MRPL35: variants seen among roughly 807,000 people sequenced by gnomAD.
MRPL35 encodes the protein mitochondrial ribosomal protein L35, also known as large ribosomal subunit protein bL35m.
MRPL35 carries 18 observed loss-of-function variants against 21.6 expected under a neutral mutation model. The observed-to-expected ratio is 0.83, with a 90% confidence interval of 0.58 to 1.24. The LOEUF is 1.24. Ranked by LOEUF, MRPL35 falls within the 50% of genes most tolerant of loss-of-function variation. The pLI is 0.00. For missense variants in MRPL35, 223 were observed against 223.2 expected (o/e 1.00, Z 0.01); for synonymous variants, 87 against 86.9 (o/e 1.00, Z -0.01).
Position 86,212,147 on chromosome 2 carries a change from A to G in MRPL35, c.*1479A>G. ...CAGATCCTTTAATGTGGTAGTTGGT[A>G]ATAATAAGATGAAATTCCTCTGTTG... On this transcript the variant is annotated 3_prime_UTR_variant, in exon 4 of 4. Coordinates refer to ENST00000337109, the MANE Select transcript of MRPL35 (RefSeq NM_016622.4). The G allele has an allele frequency of 7.9e-7, 1 of 1,269,638 alleles. No homozygotes were observed. Among genetic ancestry groups the G allele is most frequent in the South Asian group, 2.2e-5 (1 of 46,130 alleles). The allele number at this position is 1,269,638 out of a possible 1,614,324, so 78.6% of individuals were successfully genotyped here.
At chr2:86,202,208 C>T (rs1195461125) in intron 1 of MRPL35, among the ~76,000 whole-genome samples, 3 of 152,212 alleles carry the variant, frequency 2.0e-5, no homozygotes, top group African/African-American at 7.2e-5. Flanking sequence ...TGCTCTCAAC[C>T]AAGATCCCAG....
rs1175300463 is a variant in MRPL35 at position 86,206,224 on chromosome 2, T to C, written c.162T>C (p.Val54=). Residue 54 remains valine, a synonymous_variant, in exon 2 of 4, where the codon GTT becomes GTC. Transcript: ENST00000337109. ...TTAGTCATATTCAGACACCAGTTGTTTCCTCCACTCCCAGACTTACCACAT... is the reference window on the plus strand; with the variant it reads ...TTAGTCATATTCAGACACCAGTTGTCTCCTCCACTCCCAGACTTACCACAT... ...GRFSHIQTPV[V]SSTPRLTTSE... 2 of 1,613,756 alleles carry C rather than the reference T, an allele frequency of 1.2e-6. No homozygotes were observed. The highest frequency in any genetic ancestry group is 1.7e-6 in the Non-Finnish European group (2 of 1,179,618).
rs1052060 is a variant in MRPL35, at chr2:86,210,617, C to T, written c.516C>T (p.Tyr172=). ...TTSFWKRRNW[Y]VDDPYQKYHD... Reference sequence around the variant, plus strand: ...CCTTCTGGAAGAGGCGAAACTGGTACGTTGATGATCCTTATCAGAAGTATC... The same window carrying T: ...CCTTCTGGAAGAGGCGAAACTGGTATGTTGATGATCCTTATCAGAAGTATC... Residue 172 remains tyrosine (Y), a synonymous_variant, in exon 4 of 4, where the codon TAC becomes TAT. Transcript: ENST00000337109. 6.2e-6 allele frequency: 10 copies of T among 1,613,730 alleles called. No individual in the cohort carries two copies. The highest frequency in any genetic ancestry group is 5.3e-5 in the African/African-American group (4 of 75,046).
At chr2:86,205,031 G>A (rs959191164) in intron 1 of MRPL35, among the ~76,000 whole-genome samples, 3 of 152,132 alleles carry the variant, frequency 2.0e-5, no homozygotes, top group Non-Finnish European at 4.4e-5. Context: ...TTGAGCCCAG[G>A]AGTTCAAGAT....
At chr2:86,207,849 GT>G (rs1174039813) in intron 3 of MRPL35, among the ~76,000 whole-genome samples, 1 of 152,184 alleles carries the variant, frequency 6.6e-6, no homozygotes, top group African/African-American at 2.4e-5. Context: ...AGAGGCTGCA[GT>G]GAGCCAAGAT....
intron 1 of MRPL35, among the ~76,000 whole-genome samples, chr2:86,201,587 A>G (rs1673685786): frequency 6.6e-6 from 1 of 152,230 alleles, no homozygotes; most frequent in East Asian, 1.9e-4. Context: ...TCAACTTACT[A>G]TTAATTTAGA....
intron 1 of MRPL35, among the ~76,000 whole-genome samples, chr2:86,204,712 T>C (rs942704533): frequency 6.6e-6 from 1 of 152,028 alleles, no homozygotes; most frequent in Non-Finnish European, 1.5e-5. Flanking sequence ...GCCCACTACT[T>C]CTCCCCAGGC....
chr2:86,206,082 A>G lies in MRPL35; in HGVS notation c.44-24A>G, dbSNP rs114709147. The G allele has an allele frequency of 1.4e-3, 2,172 of 1,550,818 alleles. 19 individuals are homozygous for G. In the African/African-American group the frequency reaches 0.024, roughly 17 times the overall value. ...CTGGATGCATATTTTGGAGTATTAA[A>G]TATATATGCTCCTATCTTTACAGGA... On this transcript the variant is annotated intron_variant, in intron 1 of 3. Coordinates refer to ENST00000337109, the MANE Select transcript of MRPL35 (RefSeq NM_016622.4).
In MRPL35 at chr2:86,199,524, G is replaced by T; in HGVS notation, c.34G>T (p.Ala12Ser). ...CTCTGCCTTTGCTGGTGCAGTGAGA[G>T]CAGCTTCAGGTCAGTGGAGAGCGAC... ...AASAFAGAVR[A>S]ASGILRPLNI... The change falls in exon 1 of 4, where the codon GCA (alanine) becomes TCA (serine). Residue 12 changes from alanine to serine, a missense_variant. Coordinates refer to ENST00000337109, the MANE Select transcript of MRPL35 (RefSeq NM_016622.4). 6.2e-7 allele frequency: 1 copy of T among 1,614,188 alleles called. No homozygotes were observed. The highest frequency in any genetic ancestry group is 1.1e-5 in the South Asian group (1 of 91,086).
intron 3 of MRPL35, among the ~76,000 whole-genome samples, chr2:86,207,679 G>A (rs1335759253): frequency 2.0e-5 from 3 of 151,762 alleles, no homozygotes; most frequent in African/African-American, 7.3e-5. Context: ...AAATCAAACA[G>A]AATTCAGAAT....
At chr2:86,203,102 C>T (rs953765275) in intron 1 of MRPL35, among the ~76,000 whole-genome samples, 2 of 132,518 alleles carry the variant, frequency 1.5e-5, no homozygotes, top group Admixed American at 8.0e-5. Flanking sequence ...TTTTTTGAGA[C>T]GGAGTCCCGC....
intron 1 of MRPL35, among the ~76,000 whole-genome samples, chr2:86,201,536 T>C (rs776956024): frequency 2.6e-5 from 4 of 152,254 alleles, no homozygotes; most frequent in Non-Finnish European, 5.9e-5. Flanking sequence ...TACTTGAATT[T>C]ATAGTTCTTG....
Position 86,212,304 on chromosome 2 carries a change from G to C in MRPL35, c.*1636G>C. 1.3e-6 allele frequency: 2 copies of C among 1,554,914 alleles called. No individual in the cohort carries two copies. Among genetic ancestry groups the C allele is most frequent in the Non-Finnish European group, 1.7e-6 (2 of 1,150,218 alleles). On this transcript the variant is annotated 3_prime_UTR_variant, in exon 4 of 4. Transcript: ENST00000337109. ...GAATGTTCTAAAACCAGAAGTCCAA[G>C]TGCGTGTCTACTTATGGGACCAATA...
At chr2:86,200,736 T>C (rs1673668844) in intron 1 of MRPL35, among the ~76,000 whole-genome samples, 1 of 151,986 alleles carries the variant, frequency 6.6e-6, no homozygotes, top group African/African-American at 2.4e-5. Context: ...TGGAGTGCAA[T>C]GGCACGATCT....
intron 1 of MRPL35, among the ~76,000 whole-genome samples, chr2:86,202,181 C>A (rs1217442175): frequency 6.6e-6 from 1 of 152,218 alleles, no homozygotes; most frequent in East Asian, 1.9e-4. Flanking sequence ...AGCCTCCCCA[C>A]ATATTTTCCC....
Position 86,213,355 on chromosome 2 carries a change from G to T in MRPL35, c.*2687G>T. 8.0e-7 allele frequency: 1 copy of T among 1,246,578 alleles called. No homozygotes were observed. The highest frequency in any genetic ancestry group is 3.1e-5 in the South Asian group (1 of 31,968). 77.2% of individuals were successfully genotyped at this position (1,246,578 alleles called of 1,614,324 possible). On this transcript the variant is annotated 3_prime_UTR_variant, in exon 4 of 4. Coordinates refer to ENST00000337109, the MANE Select transcript of MRPL35 (RefSeq NM_016622.4). Reference sequence around the variant, plus strand: ...CAGTAAATAAACGAATGGATTTCCAGCCTTTTTTTCCCATCTGTTCCTGCT... The same window carrying T: ...CAGTAAATAAACGAATGGATTTCCATCCTTTTTTTCCCATCTGTTCCTGCT...
intron 3 of MRPL35, among the ~76,000 whole-genome samples, chr2:86,209,356 A>G (rs1673858781): frequency 6.6e-6 from 1 of 152,212 alleles, no homozygotes; most frequent in Non-Finnish European, 1.5e-5. Context: ...TGTGCCATAA[A>G]GAGCCCTTGG....
Position 86,199,526 on chromosome 2 carries a change from A to G in MRPL35, c.36A>G (p.Ala12=). 1 of 1,614,212 alleles carries G rather than the reference A, an allele frequency of 6.2e-7. No homozygotes were observed. The highest frequency in any genetic ancestry group is 8.5e-7 in the Non-Finnish European group (1 of 1,180,042). ...AASAFAGAVR[A]ASGILRPLNI... ...CTGCCTTTGCTGGTGCAGTGAGAGC[A>G]GCTTCAGGTCAGTGGAGAGCGACAT... is the stretch of plus-strand genomic sequence containing the variant. The change falls in exon 1 of 4, where the codon GCA becomes GCG. Residue 12 remains alanine, a synonymous_variant. Transcript: ENST00000337109.
Position 86,211,887 on chromosome 2 carries a change from A to G in MRPL35, c.*1219A>G. ...AAACTTTTCCCACAAATTTTCAACA[A>G]TCATTGTAGAAACTAAGGGGGAGAA... is the stretch of plus-strand genomic sequence containing the variant. On this transcript the variant is annotated 3_prime_UTR_variant, in exon 4 of 4. Coordinates refer to ENST00000337109, the MANE Select transcript of MRPL35 (RefSeq NM_016622.4). 1.0e-6 allele frequency: 1 copy of G among 985,504 alleles called. No individual in the cohort carries two copies. Among genetic ancestry groups the G allele is most frequent in the Non-Finnish European group, 1.2e-6 (1 of 829,996 alleles). 61.0% of individuals were successfully genotyped at this position (985,504 alleles called of 1,614,324 possible).
Sources: allele counts gnomAD v4.1 joint callset (sites outside exome capture counted in the v4.1 genomes callset), GRCh38; gene constraint gnomAD v4.1.1; transcripts MANE v1.5; gene names NCBI Gene and HGNC (gene_info 2026-07-23, HGNC 2026-07-21).